The following SLC34A2 variants were observed in gnomAD, a reference collection of about 807,000 sequenced individuals.
SLC34A2 encodes sodium-dependent phosphate transport protein 2B.
A neutral mutation model predicts 50.8 loss-of-function variants in SLC34A2; 41 were observed. That is an observed-to-expected ratio of 0.81 (90% confidence interval 0.63 to 1.05). SLC34A2 has a LOEUF of 1.05. Among genes scored for constraint, SLC34A2 ranks in the 50% least tolerant of loss-of-function variants. The probability of loss-of-function intolerance (pLI) is 0.00; values close to 1 mark genes in which losing one functional copy is unlikely to be tolerated. For missense variants in SLC34A2, 879 were observed against 876.7 expected, an observed-to-expected ratio of 1.00 and a Z score of -0.03; for synonymous variants, 401 against 364.2, an observed-to-expected ratio of 1.10 and a Z score of -1.15.
Position 25,667,891 on chromosome 4 carries a change from C to G in SLC34A2, c.535C>G (p.Arg179Gly), listed in dbSNP as rs552759498. The G allele has an allele frequency of 1.2e-6, 2 of 1,611,836 alleles. No homozygotes were observed. Among genetic ancestry groups the G allele is most frequent in the South Asian group, 1.1e-5 (1 of 90,986 alleles). Reference protein sequence around the residue: ...SMVSSSLLTVRAAIPIIMGAN... With the variant: ...SMVSSSLLTVGAAIPIIMGAN... The stretch of plus-strand genomic sequence containing the variant: ...TTTCCATCCTCTAGTGCTCACTGTT[C>G]GGGCTGCCATCCCCATTATCATGGG... Residue 179 changes from arginine to glycine, a missense_variant, in exon 6 of 13, where the codon CGG (arginine) becomes GGG (glycine). By Grantham distance (125) the Arg-to-Gly change is moderately radical. Coordinates refer to ENST00000382051, the MANE Select transcript of SLC34A2 (RefSeq NM_006424.3).
chr4:25,665,728 G>A (rs1431372909), intron 4 of SLC34A2, among the ~76,000 whole-genome samples: 1 of 152,190 alleles, frequency 6.6e-6, no homozygotes, highest in Non-Finnish European at 1.5e-5. Flanking sequence ...ACACCCCAGA[G>A]ACATCCAGGA....
chr4:25,663,143 ATGGG>A (rs2109049145), intron 3 of SLC34A2, among the ~76,000 whole-genome samples: 1 of 152,060 alleles, frequency 6.6e-6, no homozygotes, highest in East Asian at 1.9e-4. Context: ...TTTAATAGAG[ATGGG>A]GTTTCACCAT....
chr4:25,674,678 A>G (rs1715018999), intron 12 of SLC34A2, 49 bp downstream of exon 12: 1 of 1,610,390 alleles, frequency 6.2e-7, no homozygotes, highest in Non-Finnish European at 8.5e-7. Context: ...GGGACCACCC[A>G]TGGTCTTGCA....
intron 9 of SLC34A2, among the ~76,000 whole-genome samples, chr4:25,672,784 C>A (rs1329901850): frequency 6.6e-6 from 1 of 152,026 alleles, no homozygotes; most frequent in African/African-American, 2.4e-5. Flanking sequence ...AAAAATTAGA[C>A]CATCGACAGC....
chr4:25,665,383 T>A (rs1476450855), intron 4 of SLC34A2, among the ~76,000 whole-genome samples: 4 of 152,028 alleles, frequency 2.6e-5, no homozygotes, highest in Non-Finnish European at 5.9e-5. Flanking sequence ...GTCAGGCTGG[T>A]CTGCAACTAC....
intron 3 of SLC34A2, among the ~76,000 whole-genome samples, chr4:25,663,616 T>C (rs74766539): frequency 0.012 from 1,799 of 151,270 alleles, 25 homozygotes; most frequent in South Asian, 0.05. Flanking sequence ...AAAAAGGAGA[T>C]TGGGGTGTGG....
In SLC34A2 at chr4:25,674,529, G is replaced by A; in HGVS notation, c.1358G>A (p.Arg453Lys). The A allele has an allele frequency of 6.2e-7, 1 of 1,614,196 alleles. No individual in the cohort carries two copies. The highest frequency in any genetic ancestry group is 8.5e-7 in the Non-Finnish European group (1 of 1,180,040). Residue 453 changes from arginine to lysine, a missense_variant, in exon 12 of 13, where the codon AGG becomes AAG. Arg to Lys is a conservative substitution (Grantham distance 26). Transcript: ENST00000382051. ...GGAATCGGCGTGATAACCATTGAGAGGGCTTATCCACTCACGCTGGGCTCC... is the reference window on the plus strand; with the variant it reads ...GGAATCGGCGTGATAACCATTGAGAAGGCTTATCCACTCACGCTGGGCTCC... ...LIGIGVITIE[R>K]AYPLTLGSNI...
chr4:25,668,173 G>T (rs933601040), intron 6 of SLC34A2, among the ~76,000 whole-genome samples, 182 bp downstream of exon 6: 4 of 152,222 alleles, frequency 2.6e-5, no homozygotes, highest in African/African-American at 9.6e-5. Flanking sequence ...ATTAGACTCA[G>T]CTCCCTGATC....
At chr4:25,667,773 G>A in intron 5 of SLC34A2, 107 bp from the exon 6 acceptor site, 2 of 747,652 alleles carry the variant, frequency 2.7e-6, no homozygotes. Context: ...GAATTCACTT[G>A]CATAGAGGAT....
intron 3 of SLC34A2, 101 bp downstream of exon 3, chr4:25,662,943 T>C: frequency 7.1e-7 from 1 of 1,402,094 alleles, no homozygotes; most frequent in Non-Finnish European, 9.8e-7. Context: ...TCTGATTCCC[T>C]TGAAGCAAGG....
intron 7 of SLC34A2, 31 bp from the exon 8 acceptor site, chr4:25,670,707 G>A (rs1244459954): frequency 3.8e-6 from 6 of 1,562,852 alleles, no homozygotes; most frequent in Non-Finnish European, 5.3e-6. Flanking sequence ...CTGAGGATAT[G>A]CTGATGGTTT....
intron 5 of SLC34A2, 110 bp from the exon 6 acceptor site, chr4:25,667,770 C>T (rs1714577103): frequency 2.7e-6 from 2 of 743,236 alleles, no homozygotes; most frequent in African/African-American, 1.7e-5. Flanking sequence ...TAAGAATTCA[C>T]TTGCATAGAG....
Position 25,676,370 on chromosome 4 carries a change from T to TC in SLC34A2, c.1695dup (p.Ile566HisfsTer69). 1 of 1,614,208 alleles carries TC rather than the reference T, an allele frequency of 6.2e-7. No individual in the cohort carries two copies. The highest frequency in any genetic ancestry group is 8.5e-7 in the Non-Finnish European group (1 of 1,180,046). ...GGTGTCGGGGTTCCCGTCGTCTTCA[T>TC]CATCATCCTGGTACTGTGCCTCCGA... On this transcript the variant is annotated frameshift_variant, in exon 13 of 13. Coordinates refer to ENST00000382051, the MANE Select transcript of SLC34A2 (RefSeq NM_006424.3). LOFTEE classifies it low-confidence loss of function (END_TRUNC).
rs1476024843 is a variant in SLC34A2 at position 25,662,828 on chromosome 4, G to A, written c.236G>A (p.Gly79Glu). The A allele has an allele frequency of 2.5e-6, 4 of 1,614,042 alleles. No homozygotes were observed. The Admixed American group carries it at 5.0e-5, about 20-fold the overall frequency. ...AACCTACCCACTCTTCAGGACTCGG[G>A]GATCAAGTGGTCAGGTAAAAGTGAG... ...PWNLPTLQDS[G>E]IKWSERDTKG... The change falls in exon 3 of 13, where the codon GGG (glycine) becomes GAG (glutamate). Residue 79 changes from glycine to glutamate, a missense_variant. Gly to Glu is a moderately conservative substitution (Grantham distance 98). Transcript: ENST00000382051.
rs749636979 is a variant in SLC34A2, at chr4:25,676,279, ATCT to A, written c.1612_1614del (p.Phe538del). 8.0e-5 allele frequency: 129 copies of A among 1,613,794 alleles called. No homozygotes were observed. The highest frequency in any genetic ancestry group is 1.1e-4 in the East Asian group (5 of 44,860). ...CTGGTTCGCCGTCTTCTACCTGATC[ATCT>A]TCTTCTTCCTGATCCCGCTGACGGT... On this transcript the variant is annotated inframe_deletion, in exon 13 of 13. Coordinates refer to ENST00000382051, the MANE Select transcript of SLC34A2 (RefSeq NM_006424.3).
In SLC34A2 at chr4:25,671,617, C is replaced by G; in HGVS notation, c.944C>G (p.Thr315Ser). 6.2e-7 allele frequency: 1 copy of G among 1,614,180 alleles called. No individual in the cohort carries two copies. Among genetic ancestry groups the G allele is most frequent in the Non-Finnish European group, 8.5e-7 (1 of 1,180,028 alleles). The change falls in exon 9 of 13, where the codon ACT becomes AGT. Residue 315 changes from threonine to serine, a missense_variant. Thr to Ser is a moderately conservative substitution (Grantham distance 58). Coordinates refer to ENST00000382051, the MANE Select transcript of SLC34A2 (RefSeq NM_006424.3). The part of the protein sequence containing the change: ...TFTNKTQINV[T>S]VPSTANCTSP... ...GTCATCCAGACCCAGATTAACGTCA[C>G]TGTTCCCTCGACTGCTAACTGCACC...
Position 25,666,266 on chromosome 4 carries a change from C to A in SLC34A2, c.518C>A (p.Ser173Tyr). 3 of 1,613,876 alleles carry A rather than the reference C, an allele frequency of 1.9e-6. No homozygotes were observed. The highest frequency in any genetic ancestry group is 2.5e-6 in the Non-Finnish European group (3 of 1,180,002). The change falls in exon 5 of 13, where the codon TCT becomes TAT. Residue 173 changes from serine (S) to tyrosine (Y), a missense_variant. Transcript: ENST00000382051. ...TCCATCGTTGTCAGCATGGTGTCCTCTTCATGTGAGTCGGGGCACCCATGA... is the reference window on the plus strand; with the variant it reads ...TCCATCGTTGTCAGCATGGTGTCCTATTCATGTGAGTCGGGGCACCCATGA... ...STSIVVSMVS[S>Y]SLLTVRAAIP...
chr4:25,676,739 C>T lies in SLC34A2; in HGVS notation c.2063C>T (p.Thr688Met), dbSNP rs2109063167. 2.5e-6 allele frequency: 4 copies of T among 1,614,130 alleles called. No homozygotes were observed. Among genetic ancestry groups the T allele is most frequent in the South Asian group, 1.1e-5 (1 of 91,084 alleles). The change falls in exon 13 of 13, where the codon ACG (threonine) becomes ATG (methionine). Residue 688 changes from threonine to methionine, a missense_variant. Transcript: ENST00000382051. ...VPASDSKTEC[T>M]AL ...GCCTCGGACTCAAAGACCGAATGCA[C>T]GGCCTTGTAGGGGACGCCCCAGATT...
chr4:25,662,465 G>T, intron 1 of SLC34A2, 33 bp from the exon 2 acceptor site: 2 of 1,586,280 alleles, frequency 1.3e-6, no homozygotes, highest in South Asian at 2.2e-5. Flanking sequence ...TCCTTTCCAT[G>T]ACTGCTGCTT....
Sources: gnomAD v4.1 joint callset for allele counts (sites outside exome capture counted in the v4.1 genomes callset) on GRCh38, gnomAD v4.1.1 for gene constraint, MANE v1.5 for transcripts, NCBI Gene and HGNC (gene_info 2026-07-23, HGNC 2026-07-21) for gene names.